KYAT3: variants seen among roughly 807,000 people sequenced by gnomAD.
The protein encoded by KYAT3 is kynurenine--oxoglutarate transaminase 3.
Under a neutral mutation model 59.0 loss-of-function variants are expected in KYAT3, and 50 were observed. The ratio of observed to expected loss-of-function variants is 0.85; its 90% confidence interval spans 0.68 to 1.07. The LOEUF is 1.07. Among genes scored for constraint, KYAT3 ranks in the 50% least tolerant of loss-of-function variants. KYAT3 has a pLI of 0.00. For synonymous variants in KYAT3, 148 were observed against 177.0 expected (o/e 0.84, Z 1.30); for missense variants, 497 against 533.3 (o/e 0.93, Z 0.67).
At chr1:88,968,601 G>T in intron 4 of KYAT3, 69 bp downstream of exon 4, 1 of 1,227,194 alleles carries the variant, frequency 8.1e-7, no homozygotes, top group Non-Finnish European at 1.1e-6. Context: ...AAGGGCACAT[G>T]CACACACACA....
chr1:88,947,051 T>C (rs1480516761), intron 11 of KYAT3, among the ~76,000 whole-genome samples: 1 of 152,200 alleles, frequency 6.6e-6, no homozygotes, highest in Non-Finnish European at 1.5e-5. Context: ...TTCCTCAATG[T>C]AGTTGATTCA....
At chr1:88,948,974 T>A (rs1034121132) in intron 11 of KYAT3, 117 bp downstream of exon 11, 14 of 791,782 alleles carry the variant, frequency 1.8e-5, no homozygotes, top group Non-Finnish European at 2.2e-5. Flanking sequence ...CAAAAATCCA[T>A]CCTTCTCCAC....
rs1248631812 is a variant in KYAT3, at chr1:88,968,694, G to A, written c.279C>T (p.Ser93=). 4 of 1,591,722 alleles carry A rather than the reference G, an allele frequency of 2.5e-6. No individual in the cohort carries two copies. The highest frequency in any genetic ancestry group is 1.7e-4 in the Middle Eastern group (1 of 6,004). Reference sequence around the variant, plus strand: ...CAAAGCCTCGTGTATACTGATTCAGGCTATCGATTGCTGCAATCTTTGATA... The same window carrying A: ...CAAAGCCTCGTGTATACTGATTCAGACTATCGATTGCTGCAATCTTTGATA... The part of the protein sequence containing the change: ...EELSKIAAID[S]LNQYTRGFGH... The change falls in exon 4 of 14, where the codon AGC becomes AGT. Residue 93 remains serine (S), a synonymous_variant. Coordinates refer to ENST00000260508, the MANE Select transcript of KYAT3 (RefSeq NM_001008661.3).
rs767087812 is a variant in KYAT3, at chr1:88,961,280, T to C, written c.674A>G (p.Asn225Ser). 3.7e-6 allele frequency: 6 copies of C among 1,613,668 alleles called. No homozygotes were observed. In the Admixed American group the frequency reaches 8.3e-5, roughly 22 times the overall value. The change falls in exon 8 of 14, where the codon AAC becomes AGC. Residue 225 changes from asparagine (N) to serine (S), a missense_variant. Asn to Ser is a conservative substitution (Grantham distance 46, BLOSUM62 1). Transcript: ENST00000260508. ...AGCAATTACTTGCAGTTCCTCTCTG[T>C]TATACACCTACACATAATAAAGGAA... Reference protein sequence around the residue: ...TPHNPLGKVYNREELQVIADL... With the variant: ...TPHNPLGKVYSREELQVIADL...
intron 11 of KYAT3, among the ~76,000 whole-genome samples, chr1:88,948,642 T>C (rs1040024544): frequency 2.0e-5 from 3 of 152,226 alleles, no homozygotes; most frequent in Non-Finnish European, 4.4e-5. Context: ...CAATAAGTGT[T>C]ATTCTCCCAT....
chr1:88,966,649 G>A (rs578115183), intron 4 of KYAT3, among the ~76,000 whole-genome samples: 121 of 151,956 alleles, frequency 8.0e-4, no homozygotes, highest in African/African-American at 2.8e-3. Flanking sequence ...GATATTCTAT[G>A]TACACAATCA....
the KYAT3 span, among the ~76,000 whole-genome samples, chr1:88,928,804 A>G: frequency 6.6e-6 from 1 of 152,156 alleles, no homozygotes; most frequent in Non-Finnish European, 1.5e-5. Context: ...ACTGTCCTCC[A>G]GATCTGTCAC....
In KYAT3 at chr1:88,992,576, C is replaced by T. The variant is rs1455932321; in HGVS notation, c.-2+9G>A. On this transcript the variant is annotated intron_variant, in intron 1 of 13. Transcript: ENST00000260508. ...GCGCCGCGCCGCGCCGCGCGCCCGC[C>T]CCACTCACCTATCCGGTGCGGGAAC... 2 of 152,820 alleles carry T rather than the reference C, an allele frequency of 1.3e-5. No homozygotes were observed. Among genetic ancestry groups the T allele is most frequent in the Non-Finnish European group, 2.9e-5 (2 of 68,534 alleles). 9.5% of individuals were successfully genotyped at this position (152,820 alleles called of 1,614,324 possible). A position where few individuals can be genotyped will look rare whatever the true frequency, so the allele number is the denominator to read the frequency against.
In KYAT3 at chr1:88,961,218, C is replaced by T. The variant is rs747157444; in HGVS notation, c.736G>A (p.Asp246Asn). The T allele has an allele frequency of 3.1e-6, 5 of 1,613,420 alleles. No homozygotes were observed. Among genetic ancestry groups the T allele is most frequent in the South Asian group, 2.2e-5 (2 of 91,054 alleles). The change falls in exon 8 of 14, where the codon GAT becomes AAT. Residue 246 changes from aspartate to asparagine, a missense_variant. This residue lies in a region of KYAT3 where 469 missense variants were observed against 479.1 expected (regional missense o/e 0.98). Transcript: ENST00000260508. Reference sequence around the variant, plus strand: ...TATACAAGCCATTCATAAACCTCATCGCTGATGCAGAGTGTGTCATATTTG... The same window carrying T: ...TATACAAGCCATTCATAAACCTCATTGCTGATGCAGAGTGTGTCATATTTG... The part of the protein sequence containing the change: ...CIKYDTLCIS[D>N]EVYEWLVYSG...
At chr1:88,927,967 C>T in the KYAT3 span, among the ~76,000 whole-genome samples, 1 of 152,108 alleles carries the variant, frequency 6.6e-6, no homozygotes, top group Admixed American at 6.5e-5. Flanking sequence ...GAGAATGATT[C>T]CCCACAGGCC....
At chr1:88,965,717 T>C (rs1188587779) in intron 4 of KYAT3, among the ~76,000 whole-genome samples, 4 of 152,154 alleles carry the variant, frequency 2.6e-5, no homozygotes, top group Non-Finnish European at 4.4e-5. Context: ...TTTAGGTCAA[T>C]ATTTCCTGTT....
At chr1:88,935,668 A>G (rs545454984), downstream of KYAT3, 7 of 224,412 alleles carry the variant, frequency 3.1e-5, no homozygotes, top group Admixed American at 1.7e-4. Context: ...GTTCAAGGCC[A>G]TTGGTAAATG....
At chr1:88,932,008 A>G (rs532021293), downstream of KYAT3, among the ~76,000 whole-genome samples, 6 of 150,148 alleles carry the variant, frequency 4.0e-5, no homozygotes, top group Non-Finnish European at 7.4e-5. Context: ...GGAGTTTCCC[A>G]TGGTAATCTT....
chr1:88,966,446 A>T (rs939846229), intron 4 of KYAT3, among the ~76,000 whole-genome samples: 6 of 152,154 alleles, frequency 3.9e-5, no homozygotes, highest in Non-Finnish European at 7.4e-5. Flanking sequence ...GATATATTTT[A>T]AAAAATTTAT....
intron 11 of KYAT3, among the ~76,000 whole-genome samples, chr1:88,948,612 C>T (rs1243517807): frequency 6.6e-6 from 1 of 152,122 alleles, no homozygotes; most frequent in Non-Finnish European, 1.5e-5. Context: ...GTTTTGAGTA[C>T]GTGGCACAAA....
intron 2 of KYAT3, among the ~76,000 whole-genome samples, chr1:88,971,726 C>T (rs1438445231): frequency 1.3e-5 from 2 of 152,180 alleles, no homozygotes; most frequent in Non-Finnish European, 2.9e-5. Flanking sequence ...CCCTTCCTTG[C>T]ACTTGGCTAA....
chr1:88,988,725 A>C (rs977367898), intron 1 of KYAT3, among the ~76,000 whole-genome samples: 2 of 152,252 alleles, frequency 1.3e-5, no homozygotes, highest in African/African-American at 4.8e-5. Context: ...CTCAAATTTC[A>C]GAATCCTCTG....
chr1:88,968,493 C>T lies in KYAT3; in HGVS notation c.303+177G>A, dbSNP rs181870685. 5.8e-4 allele frequency among the ~76,000 whole-genome samples: 88 copies of T among 152,144 alleles called. No homozygotes were observed. The East Asian group carries it at 0.015, about 26-fold the overall frequency. ...AAAGTGTAGAGGGGCTGGAAGTAGGCGAAGGCTCATCTCAGGACATAGGGC... is the reference window on the plus strand; with the variant it reads ...AAAGTGTAGAGGGGCTGGAAGTAGGTGAAGGCTCATCTCAGGACATAGGGC... On this transcript the variant is annotated intron_variant, in intron 4 of 13. Coordinates refer to ENST00000260508, the MANE Select transcript of KYAT3 (RefSeq NM_001008661.3).
At chr1:88,945,122 G>T (rs1675388944) in intron 11 of KYAT3, among the ~76,000 whole-genome samples, 1 of 152,072 alleles carries the variant, frequency 6.6e-6, no homozygotes, top group Non-Finnish European at 1.5e-5. Flanking sequence ...GGGATTACAG[G>T]CCTGAGCCAT....
Sources: allele counts gnomAD v4.1 joint callset (sites outside exome capture counted in the v4.1 genomes callset), GRCh38; gene constraint gnomAD v4.1.1; regional missense constraint gnomAD v4.1.1; transcripts MANE v1.5; gene names NCBI Gene and HGNC (gene_info 2026-07-23, HGNC 2026-07-21).